PAK3: variants seen among roughly 807,000 people sequenced by gnomAD.
PAK3 encodes the protein p21 (RAC1) activated kinase 3, also known as serine/threonine-protein kinase PAK 3.
PAK3 carries 4 observed loss-of-function variants against 41.0 expected under a neutral mutation model. The ratio of observed to expected loss-of-function variants is 0.10; its 90% CI spans 0.05 to 0.22. The LOEUF (loss-of-function observed/expected upper bound fraction) is 0.22, where lower values mean the gene tolerates loss of function less well. PAK3 is among the 10% of genes least tolerant of loss of function. The probability of loss-of-function intolerance (pLI) is 1.00; values close to 1 mark genes in which losing one functional copy is unlikely to be tolerated. For missense variants in PAK3, 205 were observed against 409.9 expected, an observed-to-expected ratio of 0.50 and a Z score of 4.32; for synonymous variants, 146 against 139.6, an observed-to-expected ratio of 1.05 and a Z score of -0.32.
chrX:111,090,938 A>G (rs746163572), intron 1 of PAK3, among the ~76,000 whole-genome samples: 1 of 112,091 alleles, frequency 8.9e-6, no homozygotes, highest in African/African-American at 3.2e-5. Flanking sequence ...CTTAGGTTCC[A>G]GTAGTGCAGT....
At chrX:111,071,741 A>G (rs1360775377) in intron 1 of PAK3, among the ~76,000 whole-genome samples, 1 of 112,173 alleles carries the variant, frequency 8.9e-6, no homozygotes, top group Non-Finnish European at 1.9e-5. Context: ...AACAAATAGT[A>G]CTGTTCAAAT....
At chrX:111,170,161 A>G (rs983813448) in intron 10 of PAK3, among the ~76,000 whole-genome samples, 1 of 111,326 alleles carries the variant, frequency 9.0e-6, no homozygotes, top group Non-Finnish European at 1.9e-5. Flanking sequence ...GGAGGTAACA[A>G]GATATAGGCC....
intron 1 of PAK3, among the ~76,000 whole-genome samples, chrX:111,054,859 C>T (rs757560929): frequency 8.9e-6 from 1 of 111,807 alleles, no homozygotes; most frequent in Non-Finnish European, 1.9e-5. Flanking sequence ...TATAATCTAA[C>T]AACTGAAGGC....
intron 1 of PAK3, among the ~76,000 whole-genome samples, chrX:111,022,314 A>T (rs766282100): frequency 8.9e-6 from 1 of 112,266 alleles, no homozygotes; most frequent in East Asian, 2.8e-4. Context: ...AACCTATCAG[A>T]TTAACAGCAG....
chrX:111,179,076 T>C (rs948120189), intron 11 of PAK3, among the ~76,000 whole-genome samples: 20 of 107,204 alleles, frequency 1.9e-4, no homozygotes, highest in African/African-American at 6.7e-4. Flanking sequence ...ACTTTCATTT[T>C]CATATTTAAA....
At chrX:111,204,878 GTTTT>G (rs1163687252) in intron 16 of PAK3, among the ~76,000 whole-genome samples, 2 of 37,671 alleles carry the variant, frequency 5.3e-5, no homozygotes, top group African/African-American at 2.0e-4. Flanking sequence ...CCTTTGCTTT[GTTTT>G]TTTTTTTTTT....
intron 16 of PAK3, among the ~76,000 whole-genome samples, chrX:111,204,913 A>C (rs868143745): frequency 7.5e-5 from 2 of 26,505 alleles, no homozygotes; most frequent in African/African-American, 1.8e-4. Context: ...AATTACCCTC[A>C]CGCTCAGATG....
intron 1 of PAK3, among the ~76,000 whole-genome samples, chrX:111,034,236 G>T (rs1312570699): frequency 1.8e-5 from 2 of 111,041 alleles, no homozygotes; most frequent in Non-Finnish European, 3.8e-5. Flanking sequence ...CTCCCTCAGA[G>T]GGGTTGGGGG....
At chrX:111,182,892 G>A (rs2094475139) in intron 11 of PAK3, among the ~76,000 whole-genome samples, 1 of 111,389 alleles carries the variant, frequency 9.0e-6, no homozygotes, top group African/African-American at 3.3e-5. Context: ...CTTGTGTGTG[G>A]TTATACCAAA....
intron 1 of PAK3, among the ~76,000 whole-genome samples, chrX:110,956,057 A>T (rs1182970622): frequency 8.9e-6 from 1 of 111,964 alleles, no homozygotes; most frequent in Non-Finnish European, 1.9e-5. Flanking sequence ...TACTTACCTC[A>T]CAGAGTTGTG....
chrX:111,099,682 G>C (rs1291662651), intron 3 of PAK3, among the ~76,000 whole-genome samples: 1 of 103,178 alleles, frequency 9.7e-6, no homozygotes, highest in Non-Finnish European at 2.0e-5. Context: ...GGAGTCAGAA[G>C]TCAAGTGTTA....
At chrX:110,985,665 T>A (rs185145336) in intron 1 of PAK3, among the ~76,000 whole-genome samples, 1 of 112,062 alleles carries the variant, frequency 8.9e-6, no homozygotes, top group Non-Finnish European at 1.9e-5. Context: ...GGAGGAATAA[T>A]AATCAGTATA....
chrX:111,090,163 T>C (rs2092919171), intron 1 of PAK3, among the ~76,000 whole-genome samples: 1 of 111,252 alleles, frequency 9.0e-6, no homozygotes, highest in Non-Finnish European at 1.9e-5. Context: ...CTTTGGGGAC[T>C]GGGTTTGGCC....
intron 11 of PAK3, among the ~76,000 whole-genome samples, chrX:111,182,139 T>C (rs1384402592): frequency 9.0e-6 from 1 of 111,616 alleles, no homozygotes; most frequent in African/African-American, 3.3e-5. Context: ...GAGCTTGTTT[T>C]AAGCCACCTG....
At chrX:111,105,281 A>T (rs1187142028) in intron 4 of PAK3, among the ~76,000 whole-genome samples, 1 of 111,797 alleles carries the variant, frequency 8.9e-6, no homozygotes, top group Non-Finnish European at 1.9e-5. Flanking sequence ...ATTCTCACAC[A>T]CACACACAAT....
At chrX:111,163,808 A>G in intron 10 of PAK3, 81 bp downstream of exon 10, 1 of 810,194 alleles carries the variant, frequency 1.2e-6, no homozygotes, top group East Asian at 3.2e-5. Context: ...ATCCTTTGGA[A>G]GTTTTAATCT....
At chrX:111,021,993 T>A (rs2092191334) in intron 1 of PAK3, among the ~76,000 whole-genome samples, 1 of 111,609 alleles carries the variant, frequency 9.0e-6, no homozygotes, top group South Asian at 3.7e-4. Flanking sequence ...AAAGAATTTT[T>A]AAAAATGAAC....
chrX:111,120,248 C>T (rs939386523), intron 4 of PAK3, among the ~76,000 whole-genome samples: 2 of 111,991 alleles, frequency 1.8e-5, no homozygotes, highest in Admixed American at 1.9e-4. Context: ...CTGACCATGG[C>T]AAATGTGTGT....
intron 8 of PAK3, among the ~76,000 whole-genome samples, chrX:111,153,498 T>C (rs1183041626): frequency 8.9e-6 from 1 of 112,400 alleles, no homozygotes; most frequent in Non-Finnish European, 1.9e-5. Context: ...TTTGATATTC[T>C]GATAGAAATT....
Sources: allele counts gnomAD v4.1 joint callset (sites outside exome capture counted in the v4.1 genomes callset), GRCh38; gene constraint gnomAD v4.1.1; transcripts MANE v1.5; gene names NCBI Gene and HGNC (gene_info 2026-07-23, HGNC 2026-07-21).